Variants in MTHFD2L observed in about 807,000 individuals in gnomAD.
MTHFD2L encodes methylenetetrahydrofolate dehydrogenase (NADP+ dependent) 2 like.
A neutral mutation model predicts 34.9 loss-of-function variants in MTHFD2L; 29 were observed. The observed-to-expected ratio is 0.83, with a 90% CI of 0.62 to 1.13. The LOEUF (loss-of-function observed/expected upper bound fraction) is 1.13, where lower values mean the gene tolerates loss of function less well. MTHFD2L is among the 50% of genes most tolerant of loss of function. The probability of loss-of-function intolerance (pLI) is 0.00; values close to 1 mark genes in which losing one functional copy is unlikely to be tolerated. For synonymous variants in MTHFD2L, 167 were observed against 155.7 expected, an observed-to-expected ratio of 1.07 and a Z score of -0.54; for missense variants, 481 against 446.5, an observed-to-expected ratio of 1.08 and a Z score of -0.70.
intron 7 of MTHFD2L, among the ~76,000 whole-genome samples, chr4:74,292,408 A>G (rs950076549): frequency 1.3e-5 from 2 of 152,144 alleles, no homozygotes; most frequent in Admixed American, 1.3e-4. Context: ...TCAGTGATCC[A>G]TATTAAAACA....
At chr4:74,241,103 C>G (rs1741637734) in intron 6 of MTHFD2L, among the ~76,000 whole-genome samples, 1 of 151,990 alleles carries the variant, frequency 6.6e-6, no homozygotes, top group African/African-American at 2.4e-5. Context: ...TTAATTAGCG[C>G]CAAGAGGAAG....
At chr4:74,150,947 T>A (rs931459019) in intron 1 of MTHFD2L, among the ~76,000 whole-genome samples, 1 of 152,022 alleles carries the variant, frequency 6.6e-6, no homozygotes, top group African/African-American at 2.4e-5. Flanking sequence ...GTAATAATCA[T>A]TATCCCATAT....
intron 1 of MTHFD2L, chr4:74,161,303 T>C (rs754635654): frequency 1.3e-5 from 2 of 152,234 alleles, no homozygotes; most frequent in African/African-American, 4.8e-5. Context: ...GTTCATTTTA[T>C]TTTTCAGACT....
At chr4:74,188,871 A>G (rs1731922995) in intron 3 of MTHFD2L, among the ~76,000 whole-genome samples, 1 of 150,806 alleles carries the variant, frequency 6.6e-6, no homozygotes, top group Non-Finnish European at 1.5e-5. Flanking sequence ...CTCTAAATGT[A>G]TGCCGTCTAT....
intron 6 of MTHFD2L, among the ~76,000 whole-genome samples, chr4:74,258,543 T>TA (rs1266057087): frequency 1.3e-5 from 2 of 152,144 alleles, no homozygotes; most frequent in Non-Finnish European, 2.9e-5. Flanking sequence ...TGACTTTATA[T>TA]GAGTTTTTCA....
chr4:74,150,496 C>T (rs1046442148), intron 1 of MTHFD2L, among the ~76,000 whole-genome samples: 11 of 152,176 alleles, frequency 7.2e-5, no homozygotes, highest in African/African-American at 1.9e-4. Context: ...TCGGGTGATC[C>T]GCCCGCCTAG....
At chr4:74,176,349 A>C (rs1384587194) in intron 3 of MTHFD2L, among the ~76,000 whole-genome samples, 2 of 152,038 alleles carry the variant, frequency 1.3e-5, no homozygotes, top group African/African-American at 4.8e-5. Context: ...CCTTCGCTTC[A>C]TGCGGGCCTA....
intron 6 of MTHFD2L, among the ~76,000 whole-genome samples, chr4:74,226,034 AC>A (rs751012692): frequency 3.9e-5 from 6 of 152,100 alleles, no homozygotes; most frequent in African/African-American, 1.2e-4. Flanking sequence ...CCAAGCCCAA[AC>A]TTTTATAATA....
At chr4:74,285,617 A>G (rs1007928666) in intron 7 of MTHFD2L, among the ~76,000 whole-genome samples, 1 of 152,152 alleles carries the variant, frequency 6.6e-6, no homozygotes, top group African/African-American at 2.4e-5. Context: ...TACTATTTTT[A>G]ATCCCCTATA....
chr4:74,276,689 A>G (rs1746693856), intron 6 of MTHFD2L, among the ~76,000 whole-genome samples: 1 of 152,114 alleles, frequency 6.6e-6, no homozygotes, highest in Non-Finnish European at 1.5e-5. Context: ...TTTCTTTCCA[A>G]TATCTATAAA....
intron 5 of MTHFD2L, among the ~76,000 whole-genome samples, chr4:74,221,076 G>T (rs1738095790): frequency 1.3e-5 from 2 of 150,952 alleles, no homozygotes; most frequent in South Asian, 2.1e-4. Flanking sequence ...TTATTTAAAA[G>T]AATTTTTAAA....
chr4:74,201,603 A>C (rs1734450566), intron 5 of MTHFD2L, among the ~76,000 whole-genome samples: 1 of 151,256 alleles, frequency 6.6e-6, no homozygotes. Flanking sequence ...ACTTTGTTTA[A>C]ATAATTAACA....
At chr4:74,243,567 T>A (rs994234054) in intron 6 of MTHFD2L, among the ~76,000 whole-genome samples, 5 of 152,222 alleles carry the variant, frequency 3.3e-5, no homozygotes, top group Admixed American at 6.5e-5. Flanking sequence ...AAACTTTTTT[T>A]TTTTACTTTA....
Position 74,243,343 on chromosome 4 carries a change from C to T in MTHFD2L, c.805+17949C>T, listed in dbSNP as rs115192976. Among the ~76,000 whole-genome samples, 286 of 152,142 alleles carry T rather than the reference C, an allele frequency of 1.9e-3. 2 individuals carry two copies. The highest frequency in any genetic ancestry group is 6.6e-3 in the African/African-American group (275 of 41,502). On this transcript the variant is annotated intron_variant, in intron 6 of 7. Coordinates refer to ENST00000325278, the MANE Select transcript of MTHFD2L (RefSeq NM_001144978.3). ...AACTCTGCAGGTTATCTTTGTACTC[C>T]CAAATGTGAGGATACTGTCTCATCA...
chr4:74,164,636 C>T (rs1483874252), intron 1 of MTHFD2L, among the ~76,000 whole-genome samples: 1 of 152,208 alleles, frequency 6.6e-6, no homozygotes, highest in Non-Finnish European at 1.5e-5. Flanking sequence ...GTAAGGTCAA[C>T]AAGAGAGTAT....
chr4:74,249,097 T>G (rs1434854329), intron 6 of MTHFD2L, among the ~76,000 whole-genome samples: 3 of 152,112 alleles, frequency 2.0e-5, no homozygotes, highest in Non-Finnish European at 2.9e-5. Flanking sequence ...AGTCTCCCAT[T>G]ATTAATGTGT....
Position 74,174,649 on chromosome 4 carries a change from A to G in MTHFD2L, c.287A>G (p.His96Arg), listed in dbSNP as rs772827895. ...TTAGTGGGAGATAACCCAGCAAGCCATACATATGTCAGGAATAAGATAAGA... is the reference window on the plus strand; with the variant it reads ...TTAGTGGGAGATAACCCAGCAAGCCGTACATATGTCAGGAATAAGATAAGA... ...IILVGDNPAS[H>R]TYVRNKIRAA... is the part of the protein sequence containing the mutation. Residue 96 changes from histidine to arginine, a missense_variant, in exon 2 of 8, where the codon CAT becomes CGT. Transcript: ENST00000325278. 10 of 1,584,960 alleles carry G rather than the reference A, an allele frequency of 6.3e-6. No individual in the cohort carries two copies. The East Asian group carries it at 1.8e-4, about 29-fold the overall frequency.
intron 3 of MTHFD2L, chr4:74,195,239 T>C (rs1398944817): frequency 6.6e-6 from 1 of 152,224 alleles, no homozygotes; most frequent in Non-Finnish European, 1.5e-5. Flanking sequence ...GTAAAAATCA[T>C]GTAGAGCCTT....
chr4:74,189,719 C>T (rs1404801068), intron 3 of MTHFD2L, among the ~76,000 whole-genome samples: 3 of 151,922 alleles, frequency 2.0e-5, no homozygotes, highest in Non-Finnish European at 4.4e-5. Context: ...TATCATCTAA[C>T]TTGAGATGAT....
Sources: allele counts gnomAD v4.1 joint callset (sites outside exome capture counted in the v4.1 genomes callset), GRCh38; gene constraint gnomAD v4.1.1; transcripts MANE v1.5; gene names NCBI Gene and HGNC (gene_info 2026-07-23, HGNC 2026-07-21).